COLQ: variants seen among roughly 807,000 people sequenced by gnomAD.
COLQ encodes acetylcholinesterase collagenic tail peptide.
In COLQ, 48 loss-of-function variants were observed where a neutral mutation model predicts 69.0. That is an observed-to-expected ratio of 0.70 (90% CI 0.55 to 0.88). The LOEUF (loss-of-function observed/expected upper bound fraction) is 0.88, where lower values mean the gene tolerates loss of function less well. COLQ is among the 40% of genes least tolerant of loss of function. The pLI, the probability that COLQ is intolerant of heterozygous loss-of-function variation, is 0.00. For missense variants in COLQ, 618 were observed against 594.6 expected, an observed-to-expected ratio of 1.04 and a Z score of -0.41; for synonymous variants, 217 against 211.2, an observed-to-expected ratio of 1.03 and a Z score of -0.24.
intron 1 of COLQ, among the ~76,000 whole-genome samples, chr3:15,521,296 T>A (rs1343586521): frequency 6.6e-6 from 1 of 152,154 alleles, no homozygotes; most frequent in Non-Finnish European, 1.5e-5. Context: ...TTTCAAAGTG[T>A]CTCTGCTTTG....
At position 15,470,579 on chromosome 3, in the gene COLQ, C is replaced by T. The variant is rs780362486; in HGVS notation, c.674G>A (p.Gly225Glu). Residue 225 changes from glycine (G) to glutamate (E), a missense_variant, in exon 11 of 17, where the codon GGA (glycine) becomes GAA (glutamate). Gly to Glu is a moderately conservative substitution (Grantham distance 98). Coordinates refer to ENST00000383788, the MANE Select transcript of COLQ (RefSeq NM_005677.4). The part of the protein sequence containing the change: ...MGPKGEPGIA[G>E]HRGPTGRPGK... ...TGGTCTTCCTGTGGGTCCTCGGTGT[C>T]CTGCTATCCCAGGTTCACCTTTTGG... is the stretch of plus-strand genomic sequence containing the variant. 15 of 1,614,012 alleles carry T rather than the reference C, an allele frequency of 9.3e-6. No individual in the cohort carries two copies. Among genetic ancestry groups the T allele is most frequent in the Non-Finnish European group, 1.3e-5 (15 of 1,180,030 alleles).
chr3:15,479,145 T>G, intron 4 of COLQ, 142 bp from the exon 5 acceptor site: 1 of 1,185,478 alleles, frequency 8.4e-7, no homozygotes, highest in Non-Finnish European at 1.3e-6. Flanking sequence ...GCCATGTCGA[T>G]AGGCCACGTC....
At chr3:15,474,843 G>T (rs1261003688) in intron 8 of COLQ, 82 bp downstream of exon 8, 3 of 1,498,678 alleles carry the variant, frequency 2.0e-6, no homozygotes, top group Admixed American at 3.3e-5. Context: ...AGAGAGACCT[G>T]GACCCATTCT....
intron 1 of COLQ, among the ~76,000 whole-genome samples, chr3:15,491,529 C>T (rs903513656): frequency 6.6e-6 from 1 of 152,206 alleles, no homozygotes; most frequent in African/African-American, 2.4e-5. Flanking sequence ...GCGGTGTCCA[C>T]GGGAATGGTA....
At chr3:15,477,274 G>A in intron 5 of COLQ, 77 bp from the exon 6 acceptor site, 2 of 1,344,818 alleles carry the variant, frequency 1.5e-6, no homozygotes, top group South Asian at 2.5e-5. Context: ...TGTCTCTGGG[G>A]CCCAGAGGAG....
chr3:15,474,031 A>G lies in COLQ; in HGVS notation c.605T>C (p.Phe202Ser). The G allele has an allele frequency of 6.2e-7, 1 of 1,614,168 alleles. No homozygotes were observed. Residue 202 changes from phenylalanine (F) to serine (S), a missense_variant, in exon 10 of 17, where the codon TTC (phenylalanine) becomes TCC (serine). By Grantham distance (155) the Phe-to-Ser change is radical. Coordinates refer to ENST00000383788, the MANE Select transcript of COLQ (RefSeq NM_005677.4). ...GDLGPKGEKG[F>S]PGFPGMLGQK... ...CCCCAACATTCCAGGAAATCCTGGG[A>G]AACCCTGTGAAAAGAGCAACAAATA...
At chr3:15,477,881 A>G (rs565339719) in intron 5 of COLQ, among the ~76,000 whole-genome samples, 1 of 152,264 alleles carries the variant, frequency 6.6e-6, no homozygotes, top group South Asian at 2.1e-4. Context: ...ATAATAATGT[A>G]TTCACTTGCA....
intron 6 of COLQ, among the ~76,000 whole-genome samples, 166 bp downstream of exon 6, chr3:15,476,960 G>A (rs1433232401): frequency 6.6e-6 from 1 of 152,256 alleles, no homozygotes; most frequent in Non-Finnish European, 1.5e-5. Flanking sequence ...TGCAGGCCAA[G>A]TGAAGGAGGA....
chr3:15,491,148 A>G (rs2062659830), intron 1 of COLQ, among the ~76,000 whole-genome samples: 1 of 152,066 alleles, frequency 6.6e-6, no homozygotes, highest in South Asian at 2.1e-4. Context: ...TTATTTTTAT[A>G]CCAAAAAGTA....
chr3:15,465,610 CTTTTTTTT>C (rs71045163), intron 12 of COLQ, among the ~76,000 whole-genome samples: 2 of 94,752 alleles, frequency 2.1e-5, no homozygotes, highest in Admixed American at 1.3e-4. Context: ...CTTTCTACAT[CTTTTTTTT>C]TTTTTTTTTT....
Position 15,456,592 on chromosome 3 carries a change from A to C in COLQ, c.955-13T>G. On this transcript the variant is annotated splice_polypyrimidine_tract_variant and intron_variant, in intron 13 of 16. Coordinates refer to ENST00000383788, the MANE Select transcript of COLQ (RefSeq NM_005677.4). ...TGACCACAAAAATCTGCCAGAGAAC[A>C]CACTGGTGAGGATTCCAGAAAACAC... is the stretch of plus-strand genomic sequence containing the variant. 1.2e-6 allele frequency: 2 copies of C among 1,613,766 alleles called. No homozygotes were observed. Among genetic ancestry groups the C allele is most frequent in the South Asian group, 1.1e-5 (1 of 91,086 alleles).
chr3:15,507,375 G>A lies in COLQ; in HGVS notation c.106+14145C>T, dbSNP rs144353126. Among the ~76,000 whole-genome samples, 16 of 152,282 alleles carry A rather than the reference G, an allele frequency of 1.1e-4. No individual in the cohort carries two copies. In the East Asian group the frequency reaches 2.7e-3, roughly 26 times the overall value. ...CTCCAGAAAGGCCCCAGCAATTCACGTCTCCTCCTAGGAGCAGTGGATGAG... is the reference window on the plus strand; with the variant it reads ...CTCCAGAAAGGCCCCAGCAATTCACATCTCCTCCTAGGAGCAGTGGATGAG... On this transcript the variant is annotated intron_variant, in intron 1 of 16. Coordinates refer to ENST00000383788, the MANE Select transcript of COLQ (RefSeq NM_005677.4).
intron 1 of COLQ, chr3:15,496,240 A>C (rs2062744107): frequency 6.9e-6 from 1 of 144,066 alleles, no homozygotes. Flanking sequence ...TTCCCCCTTG[A>C]CCCACTTTCT....
intron 1 of COLQ, among the ~76,000 whole-genome samples, chr3:15,512,242 T>C (rs114134053): frequency 3.3e-5 from 5 of 152,216 alleles, no homozygotes; most frequent in African/African-American, 1.2e-4. Context: ...TGCTTCCTTC[T>C]TTTCTTTCCT....
chr3:15,469,909 C>T (rs986367954), intron 11 of COLQ, among the ~76,000 whole-genome samples: 3 of 152,200 alleles, frequency 2.0e-5, no homozygotes, highest in Non-Finnish European at 4.4e-5. Context: ...ATGGAAAAAG[C>T]TTCCATCCAA....
chr3:15,464,869 T>G (rs1354204355), intron 12 of COLQ, among the ~76,000 whole-genome samples: 1 of 152,078 alleles, frequency 6.6e-6, no homozygotes, highest in Admixed American at 6.6e-5. Context: ...CTAATAAAAT[T>G]GAATGAGGTA....
At chr3:15,512,035 A>C (rs2062993814) in intron 1 of COLQ, among the ~76,000 whole-genome samples, 1 of 152,180 alleles carries the variant, frequency 6.6e-6, no homozygotes, top group African/African-American at 2.4e-5. Context: ...GGTCCCCAAG[A>C]AGCCCCATGC....
chr3:15,451,826 C>T, intron 16 of COLQ, 113 bp from the exon 17 acceptor site: 1 of 927,376 alleles, frequency 1.1e-6, no homozygotes, highest in Non-Finnish European at 1.7e-6. Flanking sequence ...AACTTTTTCC[C>T]ATTCTCATTT....
intron 7 of COLQ, chr3:15,475,161 A>G: frequency 1.5e-6 from 1 of 671,336 alleles, no homozygotes. Context: ...ATCACTCTGC[A>G]AAGTCCTGAT....
Sources: gnomAD v4.1 joint callset for allele counts (sites outside exome capture counted in the v4.1 genomes callset) on GRCh38, gnomAD v4.1.1 for gene constraint, MANE v1.5 for transcripts, NCBI Gene and HGNC (gene_info 2026-07-23, HGNC 2026-07-21) for gene names.